The following ST3GAL3 variants were observed in gnomAD, a reference collection of about 807,000 sequenced individuals.
ST3GAL3 encodes CMP-N-acetylneuraminate-beta-1,4-galactoside alpha-2,3-sialyltransferase.
ST3GAL3 carries 21 observed loss-of-function variants against 50.1 expected under a neutral mutation model. The observed-to-expected ratio is 0.42, with a 90% CI of 0.30 to 0.60. The LOEUF (loss-of-function observed/expected upper bound fraction) is 0.60, where lower values mean the gene tolerates loss of function less well. Among genes scored for constraint, ST3GAL3 ranks in the 20% least tolerant of loss-of-function variants. ST3GAL3 has a pLI of 0.19. For synonymous variants in ST3GAL3, 183 were observed against 190.0 expected (o/e 0.96, Z 0.30); for missense variants, 353 against 489.4 (o/e 0.72, Z 2.63).
intron 4 of ST3GAL3, among the ~76,000 whole-genome samples, chr1:43,836,090 G>A (rs985259024): frequency 6.6e-6 from 1 of 152,134 alleles, no homozygotes; most frequent in Non-Finnish European, 1.5e-5. Context: ...TCTAGGCCTT[G>A]TGTGTAAATT....
intron 5 of ST3GAL3, among the ~76,000 whole-genome samples, chr1:43,890,224 A>G (rs1049694977): frequency 6.6e-6 from 1 of 152,250 alleles, no homozygotes; most frequent in Admixed American, 6.5e-5. Context: ...TAATGCTGAA[A>G]TATTTTATGG....
intron 1 of ST3GAL3, among the ~76,000 whole-genome samples, chr1:43,735,842 T>G (rs1229038581): frequency 6.6e-6 from 1 of 152,216 alleles, no homozygotes; most frequent in Non-Finnish European, 1.5e-5. Context: ...TCTTGTGCCA[T>G]GTGGAAATGG....
chr1:43,884,756 C>T (rs1439863020), intron 5 of ST3GAL3, among the ~76,000 whole-genome samples: 1 of 152,182 alleles, frequency 6.6e-6, no homozygotes, highest in African/African-American at 2.4e-5. Context: ...TGCTTGCACT[C>T]GTCACAGTCA....
chr1:43,746,611 C>T (rs1683786600), intron 2 of ST3GAL3, among the ~76,000 whole-genome samples: 1 of 149,814 alleles, frequency 6.7e-6, no homozygotes. Flanking sequence ...TACAGGAGCC[C>T]GCCACCACAT....
chr1:43,876,860 A>G (rs7536198), intron 5 of ST3GAL3, among the ~76,000 whole-genome samples: 2,333 of 152,302 alleles, frequency 0.015, 63 homozygotes, highest in African/African-American at 0.052. Context: ...TTCATTACCT[A>G]TAATATGCTA....
chr1:43,863,452 T>A (rs1355924399), intron 5 of ST3GAL3, among the ~76,000 whole-genome samples: 2 of 152,156 alleles, frequency 1.3e-5, no homozygotes, highest in Non-Finnish European at 2.9e-5. Context: ...CAAACAGAAA[T>A]GACATCTGAA....
chr1:43,717,275 CTT>C (rs1667849659), intron 1 of ST3GAL3, among the ~76,000 whole-genome samples: 1 of 152,180 alleles, frequency 6.6e-6, no homozygotes, highest in African/African-American at 2.4e-5. Flanking sequence ...GTAACAATGA[CTT>C]TTGCTGGGAC....
At chr1:43,767,833 A>AG in intron 2 of ST3GAL3, among the ~76,000 whole-genome samples, 1 of 151,866 alleles carries the variant, frequency 6.6e-6, no homozygotes, top group Middle Eastern at 3.4e-3. Flanking sequence ...TTAAAAAAAA[A>AG]AAAAGAAAAT....
chr1:43,791,154 C>T (rs2058031331), intron 2 of ST3GAL3, among the ~76,000 whole-genome samples: 2 of 152,212 alleles, frequency 1.3e-5, no homozygotes, highest in Admixed American at 1.3e-4. Flanking sequence ...GTCACTTCTT[C>T]AGAGATGTCT....
chr1:43,776,404 T>C (rs1697265277), intron 2 of ST3GAL3, among the ~76,000 whole-genome samples: 1 of 152,170 alleles, frequency 6.6e-6, no homozygotes, highest in South Asian at 2.1e-4. Context: ...TCATTTCTTA[T>C]TATGGCCAAA....
At chr1:43,870,452 C>T (rs1260716095) in intron 5 of ST3GAL3, among the ~76,000 whole-genome samples, 2 of 152,188 alleles carry the variant, frequency 1.3e-5, no homozygotes, top group African/African-American at 2.4e-5. Context: ...CCTGGGACAG[C>T]GCAGAGCACA....
At chr1:43,772,162 G>A in intron 2 of ST3GAL3, 1 of 396,520 alleles carries the variant, frequency 2.5e-6, no homozygotes, top group Non-Finnish European at 4.4e-6. Context: ...CGATTCTCCT[G>A]CCTCAGCCTC....
chr1:43,743,220 A>G, intron 2 of ST3GAL3, among the ~76,000 whole-genome samples: 1 of 117,108 alleles, frequency 8.5e-6, no homozygotes, highest in Admixed American at 8.7e-5. Flanking sequence ...GTTTGATGAA[A>G]ACCATTGACT....
At chr1:43,824,844 C>A in intron 4 of ST3GAL3, 1 of 1,126,570 alleles carries the variant, frequency 8.9e-7, no homozygotes, top group Non-Finnish European at 1.4e-6. Flanking sequence ...ATTTTGAAGT[C>A]ACTGAGCGAG....
At chr1:43,811,843 A>T (rs1016589623) in intron 3 of ST3GAL3, among the ~76,000 whole-genome samples, 1 of 151,882 alleles carries the variant, frequency 6.6e-6, no homozygotes, top group Non-Finnish European at 1.5e-5. Flanking sequence ...CTCCCCACAA[A>T]GACGTTTTTT....
intron 5 of ST3GAL3, chr1:43,839,553 A>G (rs563470100): frequency 2.0e-5 from 3 of 152,274 alleles, no homozygotes; most frequent in Non-Finnish European, 4.4e-5. Flanking sequence ...AAGGTTATAT[A>G]CTGCCACTCC....
chr1:43,877,713 A>G (rs571664397), intron 5 of ST3GAL3, among the ~76,000 whole-genome samples: 32 of 152,210 alleles, frequency 2.1e-4, no homozygotes, highest in Non-Finnish European at 4.1e-4. Flanking sequence ...TCCTGTAAAC[A>G]GTCGCATTTT....
intron 4 of ST3GAL3, among the ~76,000 whole-genome samples, chr1:43,818,891 A>C (rs964086818): frequency 1.8e-4 from 27 of 152,324 alleles, no homozygotes; most frequent in African/African-American, 6.0e-4. Context: ...GGTAAGACAT[A>C]AGAAATTATT....
chr1:43,816,783 T>G (rs572105683), intron 4 of ST3GAL3, among the ~76,000 whole-genome samples: 1 of 152,338 alleles, frequency 6.6e-6, no homozygotes, highest in East Asian at 1.9e-4. Flanking sequence ...AACTTGGTCT[T>G]TAGCACAGTA....
Sources: gnomAD v4.1 joint callset for allele counts (sites outside exome capture counted in the v4.1 genomes callset) on GRCh38, gnomAD v4.1.1 for gene constraint, MANE v1.5 for transcripts, NCBI Gene and HGNC (gene_info 2026-07-23, HGNC 2026-07-21) for gene names.